Variants in CAMK4 observed in about 807,000 individuals in gnomAD.
The protein encoded by CAMK4 is calcium/calmodulin dependent protein kinase IV.
CAMK4 carries 22 observed loss-of-function variants against 44.9 expected under a neutral mutation model. That is an observed-to-expected ratio of 0.49 (90% CI 0.35 to 0.70). CAMK4 has a LOEUF of 0.70. CAMK4 is among the 30% of genes least tolerant of loss of function. The pLI is 0.01. For synonymous variants in CAMK4, 218 were observed against 215.4 expected (o/e 1.01, Z -0.11); for missense variants, 498 against 586.8 (o/e 0.85, Z 1.56).
chr5:111,289,088 TG>T (rs1181378884), intron 1 of CAMK4, among the ~76,000 whole-genome samples: 2 of 152,194 alleles, frequency 1.3e-5, no homozygotes, highest in Non-Finnish European at 2.9e-5. Flanking sequence ...GGCTCATGCC[TG>T]TAATCCCAGC....
chr5:111,297,681 T>C (rs984387061), intron 1 of CAMK4, among the ~76,000 whole-genome samples: 3 of 152,218 alleles, frequency 2.0e-5, no homozygotes, highest in African/African-American at 7.2e-5. Flanking sequence ...GCCTTGTCTA[T>C]GGTGATTCTG....
At chr5:111,318,923 A>G (rs919162919) in intron 1 of CAMK4, among the ~76,000 whole-genome samples, 1 of 152,042 alleles carries the variant, frequency 6.6e-6, no homozygotes, top group African/African-American at 2.4e-5. Flanking sequence ...TTGTATTTTT[A>G]TTTTTCTTTT....
chr5:111,244,399 C>T (rs1363037495), intron 1 of CAMK4, among the ~76,000 whole-genome samples: 1 of 152,140 alleles, frequency 6.6e-6, no homozygotes, highest in East Asian at 1.9e-4. Flanking sequence ...TCTTTGTCCT[C>T]AAATGTATTG....
chr5:111,350,858 T>C (rs962848838), intron 2 of CAMK4, among the ~76,000 whole-genome samples: 7 of 152,130 alleles, frequency 4.6e-5, no homozygotes, highest in African/African-American at 7.2e-5. Context: ...AACTTCCATT[T>C]ATTTGTCCTT....
intron 2 of CAMK4, among the ~76,000 whole-genome samples, chr5:111,355,170 G>A (rs959714483): frequency 6.6e-6 from 1 of 152,080 alleles, no homozygotes; most frequent in Admixed American, 6.6e-5. Context: ...GTAGCTTTCA[G>A]ACAATGAGCC....
At chr5:111,413,130 G>A (rs1752688562) in intron 5 of CAMK4, among the ~76,000 whole-genome samples, 1 of 152,104 alleles carries the variant, frequency 6.6e-6, no homozygotes, top group Admixed American at 6.6e-5. Context: ...GGGCTTGCCT[G>A]TCCTACATCA....
At chr5:111,451,727 A>G (rs1754244064) in intron 7 of CAMK4, among the ~76,000 whole-genome samples, 1 of 151,784 alleles carries the variant, frequency 6.6e-6, no homozygotes, top group Non-Finnish European at 1.5e-5. Context: ...AACATGGTGA[A>G]AAAAAAAACA....
chr5:111,421,385 G>C (rs1198385653), intron 5 of CAMK4, among the ~76,000 whole-genome samples: 2 of 152,182 alleles, frequency 1.3e-5, no homozygotes, highest in African/African-American at 4.8e-5. Flanking sequence ...CTAAGATGCA[G>C]AATTTTTCAA....
rs1195935454 is a variant in CAMK4, at chr5:111,405,396, A to G, written c.459+10614A>G. ...GGCAGGAGAATCATTTGAACCCGGT[A>G]GGCAGAGGTTGCAGTGAGCTGAGAT... On this transcript the variant is annotated intron_variant, in intron 5 of 10. Coordinates refer to ENST00000282356, the MANE Select transcript of CAMK4 (RefSeq NM_001744.6). Among the ~76,000 whole-genome samples, 8 of 152,186 alleles carry G rather than the reference A, an allele frequency of 5.3e-5. No individual in the cohort carries two copies. The East Asian group carries it at 1.5e-3, about 29-fold the overall frequency.
At chr5:111,450,855 G>T (rs1160569431) in intron 7 of CAMK4, among the ~76,000 whole-genome samples, 1 of 151,818 alleles carries the variant, frequency 6.6e-6, no homozygotes, top group South Asian at 2.1e-4. Context: ...ATATTGTGTT[G>T]TATGTATCGA....
chr5:111,302,147 C>A (rs1747746863), intron 1 of CAMK4: 1 of 152,086 alleles, frequency 6.6e-6, no homozygotes, highest in Admixed American at 6.5e-5. Flanking sequence ...CAGTGTCCAG[C>A]TACTAGTTAG....
At chr5:111,401,177 C>T (rs760489701) in intron 5 of CAMK4, among the ~76,000 whole-genome samples, 15 of 152,150 alleles carry the variant, frequency 9.9e-5, no homozygotes, top group Admixed American at 2.6e-4. Flanking sequence ...CTCGCTCTGT[C>T]GCCCAGGCTG....
chr5:111,367,584 C>T (rs1032270688), intron 2 of CAMK4, among the ~76,000 whole-genome samples: 3 of 152,080 alleles, frequency 2.0e-5, no homozygotes, highest in Non-Finnish European at 4.4e-5. Context: ...TTAGCTATTT[C>T]ATGCAGGTTA....
At chr5:111,428,305 A>G (rs1411407106) in intron 5 of CAMK4, among the ~76,000 whole-genome samples, 1 of 152,244 alleles carries the variant, frequency 6.6e-6, no homozygotes, top group East Asian at 1.9e-4. Context: ...ATAAATACCC[A>G]ATCCTTCAAT....
At chr5:111,241,771 A>G (rs1178620585) in intron 1 of CAMK4, among the ~76,000 whole-genome samples, 1 of 152,202 alleles carries the variant, frequency 6.6e-6, no homozygotes, top group Non-Finnish European at 1.5e-5. Flanking sequence ...CTGCCAGTAA[A>G]TCATGCAATT....
At chr5:111,238,104 G>A (rs989177654) in intron 1 of CAMK4, among the ~76,000 whole-genome samples, 3 of 152,166 alleles carry the variant, frequency 2.0e-5, no homozygotes, top group African/African-American at 7.2e-5. Flanking sequence ...GGGCTGAGGG[G>A]CAGAAGGGAG....
Position 111,297,656 on chromosome 5 carries a change from A to T in CAMK4, c.162-46368A>T, listed in dbSNP as rs145518788. ...ATTTTCCACTGGAGGCTAATGCCTCACTCTCATTGGCTGGGCCTTGTCTAT... is the reference window on the plus strand; with the variant it reads ...ATTTTCCACTGGAGGCTAATGCCTCTCTCTCATTGGCTGGGCCTTGTCTAT... On this transcript the variant is annotated intron_variant, in intron 1 of 10. Transcript: ENST00000282356. Among the ~76,000 whole-genome samples, 731 of 152,244 alleles carry T rather than the reference A, an allele frequency of 4.8e-3. 5 individuals are homozygous for T. The highest frequency in any genetic ancestry group is 0.017 in the African/African-American group (687 of 41,534).
chr5:111,283,275 T>C (rs1361231251), intron 1 of CAMK4, among the ~76,000 whole-genome samples: 2 of 152,338 alleles, frequency 1.3e-5, no homozygotes, highest in East Asian at 1.9e-4. Context: ...TTTAGACTTA[T>C]ATGTAGATCT....
At chr5:111,370,878 G>A (rs1446159359) in intron 2 of CAMK4, among the ~76,000 whole-genome samples, 1 of 151,928 alleles carries the variant, frequency 6.6e-6, no homozygotes, top group Non-Finnish European at 1.5e-5. Context: ...CTGCACCATT[G>A]CACTCCAGCC....
Sources: allele counts gnomAD v4.1 joint callset (sites outside exome capture counted in the v4.1 genomes callset), GRCh38; gene constraint gnomAD v4.1.1; transcripts MANE v1.5; gene names NCBI Gene and HGNC (gene_info 2026-07-23, HGNC 2026-07-21).